The following KCNB2 variants were observed in gnomAD, a reference collection of about 807,000 sequenced individuals.
KCNB2 encodes the protein potassium voltage-gated channel subfamily B member 2.
KCNB2 carries 15 observed loss-of-function variants against 61.5 expected under a neutral mutation model. The ratio of observed to expected loss-of-function variants is 0.24; its 90% CI spans 0.16 to 0.38. The LOEUF (loss-of-function observed/expected upper bound fraction) is 0.38, where lower values mean the gene tolerates loss of function less well. KCNB2 is among the 10% of genes least tolerant of loss of function. The pLI is 1.00. For synonymous variants in KCNB2, 457 were observed against 446.0 expected (o/e 1.02, Z -0.31); for missense variants, 828 against 1,125.2 (o/e 0.74, Z 3.78).
rs548993977 is a variant in KCNB2 at position 72,851,656 on chromosome 8, A to G, written c.580-84279A>G. Among the ~76,000 whole-genome samples, 5 of 152,128 alleles carry G rather than the reference A, an allele frequency of 3.3e-5. No homozygotes were observed. The East Asian group carries it at 9.7e-4, about 29-fold the overall frequency. On this transcript the variant is annotated intron_variant, in intron 2 of 2. Transcript: ENST00000523207. ...GCATTTAGTCAGGTTCCACTGCTCT[A>G]AACTGTCCGATGGCTCCATGTAAAG...
intron 2 of KCNB2, among the ~76,000 whole-genome samples, chr8:72,779,441 C>A (rs1808719100): frequency 6.6e-6 from 1 of 152,020 alleles, no homozygotes; most frequent in Non-Finnish European, 1.5e-5. Context: ...CTTTATACTT[C>A]AGGCTGAATT....
chr8:72,934,063 A>T (rs989785013), intron 2 of KCNB2, among the ~76,000 whole-genome samples: 1 of 152,188 alleles, frequency 6.6e-6, no homozygotes, highest in Non-Finnish European at 1.5e-5. Context: ...AGGAGGAAAG[A>T]TGGAAGCTGG....
intron 1 of KCNB2, among the ~76,000 whole-genome samples, chr8:72,556,337 AG>A (rs1234317182): frequency 6.6e-6 from 1 of 152,144 alleles, no homozygotes; most frequent in Non-Finnish European, 1.5e-5. Context: ...TTATTGTTGT[AG>A]CTTCCTAGTG....
chr8:72,718,806 A>C (rs1165294139), intron 2 of KCNB2, among the ~76,000 whole-genome samples: 1 of 152,136 alleles, frequency 6.6e-6, no homozygotes, highest in Non-Finnish European at 1.5e-5. Context: ...TAAAGCTGAA[A>C]GCATAATAAT....
intron 2 of KCNB2, among the ~76,000 whole-genome samples, chr8:72,915,417 C>T (rs541853357): frequency 5.3e-5 from 8 of 152,016 alleles, no homozygotes; most frequent in South Asian, 2.1e-4. Context: ...AGTTAAGCTT[C>T]TTAATTAACA....
chr8:72,923,524 G>A (rs1003000182), intron 2 of KCNB2, among the ~76,000 whole-genome samples: 5 of 152,062 alleles, frequency 3.3e-5, no homozygotes, highest in Admixed American at 2.0e-4. Context: ...ATTCCAAAGG[G>A]TGGAGCACAT....
chr8:72,888,482 A>G (rs1805842134), intron 2 of KCNB2, among the ~76,000 whole-genome samples: 1 of 152,218 alleles, frequency 6.6e-6, no homozygotes, highest in Admixed American at 6.5e-5. Flanking sequence ...AGCAGCTATT[A>G]AAATTTTGCT....
chr8:72,788,814 C>T (rs2128998513), intron 2 of KCNB2, among the ~76,000 whole-genome samples: 1 of 152,118 alleles, frequency 6.6e-6, no homozygotes, highest in South Asian at 2.1e-4. Flanking sequence ...ATAGATGAGC[C>T]CATCATCTAC....
chr8:72,648,898 G>A (rs1806171257), intron 2 of KCNB2, among the ~76,000 whole-genome samples: 1 of 151,922 alleles, frequency 6.6e-6, no homozygotes, highest in Admixed American at 6.6e-5. Context: ...CTATAAAATA[G>A]GCACTACTTT....
At chr8:72,874,849 A>C (rs1345293352) in intron 2 of KCNB2, 3 of 152,246 alleles carry the variant, frequency 2.0e-5, no homozygotes, top group Non-Finnish European at 4.4e-5. Context: ...GCGACAAGGA[A>C]AAATCTTGGA....
At chr8:72,713,749 G>A (rs1264503816) in intron 2 of KCNB2, among the ~76,000 whole-genome samples, 2 of 152,160 alleles carry the variant, frequency 1.3e-5, no homozygotes, top group Non-Finnish European at 2.9e-5. Flanking sequence ...AAAAATCAGA[G>A]TGCCTCTCCT....
chr8:72,926,119 G>A (rs548722006), intron 2 of KCNB2, among the ~76,000 whole-genome samples: 70 of 152,290 alleles, frequency 4.6e-4, no homozygotes, highest in African/African-American at 1.6e-3. Context: ...GGGAGGGAGA[G>A]CATCAGGAAG....
At chr8:72,847,648 C>T (rs968497146) in intron 2 of KCNB2, among the ~76,000 whole-genome samples, 1 of 152,142 alleles carries the variant, frequency 6.6e-6, no homozygotes, top group Admixed American at 6.5e-5. Flanking sequence ...CTGTTGCTAC[C>T]AACCTAGGAG....
intron 2 of KCNB2, among the ~76,000 whole-genome samples, chr8:72,882,825 G>A (rs1585950072): frequency 6.6e-6 from 1 of 152,272 alleles, no homozygotes; most frequent in East Asian, 1.9e-4. Context: ...CAAATTACTT[G>A]AAGCATTTAA....
At chr8:72,700,486 ACAAAT>A (rs1182797300) in intron 2 of KCNB2, among the ~76,000 whole-genome samples, 1 of 152,176 alleles carries the variant, frequency 6.6e-6, no homozygotes, top group Non-Finnish European at 1.5e-5. Flanking sequence ...ATCAGAGAAG[ACAAAT>A]CAAAACCACA....
At chr8:72,850,273 G>T (rs1207809341) in intron 2 of KCNB2, among the ~76,000 whole-genome samples, 2 of 151,840 alleles carry the variant, frequency 1.3e-5, no homozygotes, top group Non-Finnish European at 2.9e-5. Flanking sequence ...AGGCTGGAAT[G>T]CTGGGGTACG....
chr8:72,602,824 T>G (rs1390416007), intron 2 of KCNB2, among the ~76,000 whole-genome samples: 3 of 152,130 alleles, frequency 2.0e-5, no homozygotes, highest in African/African-American at 7.2e-5. Flanking sequence ...TCTCTTTCCA[T>G]GTCATCTCCA....
chr8:72,813,127 G>C (rs1188066569), intron 2 of KCNB2, among the ~76,000 whole-genome samples: 1 of 152,154 alleles, frequency 6.6e-6, no homozygotes, highest in African/African-American at 2.4e-5. Context: ...TTACAAAATG[G>C]GGTATTGGTT....
chr8:72,821,641 CAAAA>C (rs61090576), intron 2 of KCNB2, among the ~76,000 whole-genome samples: 82 of 125,780 alleles, frequency 6.5e-4, no homozygotes, highest in Admixed American at 1.2e-3. Flanking sequence ...CAAAAAAAAA[CAAAA>C]AAAAAAAAAA....
Sources: gnomAD v4.1 joint callset for allele counts (sites outside exome capture counted in the v4.1 genomes callset) on GRCh38, gnomAD v4.1.1 for gene constraint, MANE v1.5 for transcripts, NCBI Gene and HGNC (gene_info 2026-07-23, HGNC 2026-07-21) for gene names.